RIMS1: variants seen among roughly 807,000 people sequenced by gnomAD.
RIMS1 encodes regulating synaptic membrane exocytosis protein 1.
A neutral mutation model predicts 214.1 loss-of-function variants in RIMS1; 83 were observed. The ratio of observed to expected loss-of-function variants is 0.39; its 90% CI spans 0.32 to 0.47. The LOEUF is 0.47. RIMS1 is among the 20% of genes least tolerant of loss of function. The probability of loss-of-function intolerance (pLI) is 0.99; values close to 1 mark genes in which losing one functional copy is unlikely to be tolerated. For synonymous variants in RIMS1, 793 were observed against 786.8 expected, an observed-to-expected ratio of 1.01 and a Z score of -0.13; for missense variants, 2,050 against 2,161.8, an observed-to-expected ratio of 0.95 and a Z score of 1.03.
In RIMS1 at chr6:72,318,410, A is replaced by G. The variant is rs139656372; in HGVS notation, c.4130+4738A>G. ...GTATATAAATTTTGTTAAGTAGTCA[A>G]TTTAAAATTAATAATTACCTCTACT... On this transcript the variant is annotated intron_variant, in intron 28 of 33. Transcript: ENST00000521978. Among the ~76,000 whole-genome samples, 272 of 152,188 alleles carry G rather than the reference A, an allele frequency of 1.8e-3. 6 individuals are homozygous for G. Among genetic ancestry groups the G allele is most frequent in the Non-Finnish European group, 2.8e-4 (19 of 67,996 alleles).
chr6:72,271,379 TATTA>T (rs1012827921), intron 22 of RIMS1, among the ~76,000 whole-genome samples: 2 of 150,090 alleles, frequency 1.3e-5, no homozygotes, highest in African/African-American at 2.4e-5. Flanking sequence ...GGACTAAAGT[TATTA>T]ATTGAAAACA....
At chr6:72,175,876 T>C (rs1465091302) in intron 4 of RIMS1, among the ~76,000 whole-genome samples, 7 of 152,220 alleles carry the variant, frequency 4.6e-5, no homozygotes, top group Non-Finnish European at 1.5e-5. Context: ...ATATGTATAG[T>C]AGAAAGTGTT....
intron 1 of RIMS1, among the ~76,000 whole-genome samples, chr6:71,893,409 G>A (rs1483723089): frequency 2.0e-5 from 3 of 151,912 alleles, no homozygotes; most frequent in Admixed American, 2.0e-4. Flanking sequence ...AGATCTAAAA[G>A]GCAATCCTAA....
chr6:72,257,361 G>C (rs2076317739), intron 16 of RIMS1, among the ~76,000 whole-genome samples: 1 of 151,732 alleles, frequency 6.6e-6, no homozygotes, highest in Non-Finnish European at 1.5e-5. Flanking sequence ...TTACTTCAGG[G>C]AAAAAGTGAC....
At chr6:71,944,042 T>G (rs1370027686) in intron 1 of RIMS1, among the ~76,000 whole-genome samples, 1 of 152,228 alleles carries the variant, frequency 6.6e-6, no homozygotes, top group African/African-American at 2.4e-5. Flanking sequence ...AAACATATCA[T>G]GCCTACATAA....
intron 16 of RIMS1, among the ~76,000 whole-genome samples, chr6:72,254,786 T>C (rs1050897179): frequency 2.0e-5 from 3 of 152,202 alleles, no homozygotes; most frequent in African/African-American, 7.2e-5. Flanking sequence ...GATTAGTGCT[T>C]GAGTACCACC....
Position 72,280,187 on chromosome 6 carries a change from G to A in RIMS1, c.3483-3860G>A, listed in dbSNP as rs140247037. On this transcript the variant is annotated intron_variant, in intron 23 of 33. Coordinates refer to ENST00000521978, the MANE Select transcript of RIMS1 (RefSeq NM_014989.7). ...ACTATCCATTCAACAAATAATTATT[G>A]AGCAACTACCATATGCTAGGTGTTG... 2.5e-3 allele frequency among the ~76,000 whole-genome samples: 378 copies of A among 151,654 alleles called. 2 individuals carry two copies. Among genetic ancestry groups the A allele is most frequent in the African/African-American group, 8.8e-3 (365 of 41,376 alleles).
At chr6:72,358,963 C>A (rs2097733831) in intron 29 of RIMS1, among the ~76,000 whole-genome samples, 2 of 152,174 alleles carry the variant, frequency 1.3e-5, no homozygotes, top group African/African-American at 4.8e-5. Flanking sequence ...ACATCTTAAA[C>A]CTCAAAGAGG....
intron 31 of RIMS1, among the ~76,000 whole-genome samples, chr6:72,394,828 C>T (rs930548846): frequency 6.6e-6 from 1 of 151,634 alleles, no homozygotes; most frequent in Admixed American, 6.6e-5. Context: ...GATCAACTGA[C>T]CAGACAAATA....
At chr6:72,198,370 A>G (rs1264556537) in intron 6 of RIMS1, among the ~76,000 whole-genome samples, 1 of 152,008 alleles carries the variant, frequency 6.6e-6, no homozygotes, top group Non-Finnish European at 1.5e-5. Flanking sequence ...CATGGATGGA[A>G]CTGGAGGTTA....
chr6:72,260,989 C>T (rs1273196742), intron 19 of RIMS1: 2 of 1,327,306 alleles, frequency 1.5e-6, no homozygotes, highest in East Asian at 6.8e-5. Flanking sequence ...TTCAAAAATC[C>T]AGAGACTAGT....
intron 6 of RIMS1, among the ~76,000 whole-genome samples, chr6:72,184,487 T>C (rs948462939): frequency 1.3e-5 from 2 of 152,232 alleles, no homozygotes; most frequent in African/African-American, 2.4e-5. Flanking sequence ...GCAGGATTGC[T>C]ATAAAAATGT....
intron 29 of RIMS1, among the ~76,000 whole-genome samples, chr6:72,386,431 A>G (rs1284673080): frequency 6.6e-6 from 1 of 152,178 alleles, no homozygotes; most frequent in African/African-American, 2.4e-5. Context: ...CATCGACATT[A>G]CAAAGACTGG....
intron 2 of RIMS1, among the ~76,000 whole-genome samples, chr6:72,011,878 G>A (rs1810759684): frequency 6.6e-6 from 1 of 152,198 alleles, no homozygotes; most frequent in Non-Finnish European, 1.5e-5. Context: ...TTACACTGTT[G>A]GTGGGACGGT....
At chr6:72,226,941 A>G (rs2060370819) in intron 6 of RIMS1, among the ~76,000 whole-genome samples, 1 of 152,050 alleles carries the variant, frequency 6.6e-6, no homozygotes, top group Admixed American at 6.6e-5. Context: ...ATCTCAGTTA[A>G]TCCTCATGAA....
intron 4 of RIMS1, chr6:72,156,124 A>G: frequency 3.3e-6 from 1 of 306,996 alleles, no homozygotes. Flanking sequence ...CTGGATATAC[A>G]TCAAGAGCAA....
intron 4 of RIMS1, among the ~76,000 whole-genome samples, chr6:72,128,531 C>G (rs1454296020): frequency 6.6e-6 from 1 of 152,152 alleles, no homozygotes; most frequent in Non-Finnish European, 1.5e-5. Context: ...ACTAGCTAAC[C>G]ACGAGTGAGT....
intron 2 of RIMS1, among the ~76,000 whole-genome samples, chr6:72,002,183 G>A (rs1275632791): frequency 6.6e-6 from 1 of 151,844 alleles, no homozygotes; most frequent in Non-Finnish European, 1.5e-5. Context: ...AGTAGGTTAA[G>A]GAACATAAAG....
chr6:72,357,949 A>T (rs1246349889), intron 29 of RIMS1, among the ~76,000 whole-genome samples: 1 of 152,230 alleles, frequency 6.6e-6, no homozygotes, highest in Non-Finnish European at 1.5e-5. Flanking sequence ...TTTCTGAGTG[A>T]TGCTCAACGT....
Sources: gnomAD v4.1 joint callset for allele counts (sites outside exome capture counted in the v4.1 genomes callset) on GRCh38, gnomAD v4.1.1 for gene constraint, MANE v1.5 for transcripts, NCBI Gene and HGNC (gene_info 2026-07-23, HGNC 2026-07-21) for gene names.